Variants in INTS6 observed in about 807,000 individuals in gnomAD.
INTS6 encodes DEAD box protein.
Under a neutral mutation model 104.9 loss-of-function variants are expected in INTS6, and 16 were observed. The ratio of observed to expected loss-of-function variants is 0.15; its 90% CI spans 0.10 to 0.23. INTS6 has a LOEUF of 0.23. Among genes scored for constraint, INTS6 ranks in the 10% least tolerant of loss-of-function variants. INTS6 has a pLI of 1.00. For missense variants in INTS6, 584 were observed against 1,062.8 expected (o/e 0.55, Z 6.26); for synonymous variants, 324 against 358.7 (o/e 0.90, Z 1.09).
At chr13:51,419,604 A>G (rs1295890910) in intron 4 of INTS6, among the ~76,000 whole-genome samples, 2 of 152,182 alleles carry the variant, frequency 1.3e-5, no homozygotes, top group Admixed American at 6.5e-5. Flanking sequence ...GTACCATCTT[A>G]TTAGCTTGTG....
At chr13:51,353,695 A>G (rs1022897913), downstream of INTS6, among the ~76,000 whole-genome samples, 6 of 152,244 alleles carry the variant, frequency 3.9e-5, no homozygotes, top group South Asian at 2.1e-4. Flanking sequence ...TTTGGAAACT[A>G]TTCTGAAGAT....
downstream of INTS6, among the ~76,000 whole-genome samples, chr13:51,358,337 G>A (rs1179716237): frequency 6.6e-6 from 1 of 152,144 alleles, no homozygotes; most frequent in African/African-American, 2.4e-5. Context: ...TGATTTATGA[G>A]AAGCTGAGGA....
At chr13:51,381,431 A>G (rs1956047505) in intron 10 of INTS6, among the ~76,000 whole-genome samples, 1 of 152,172 alleles carries the variant, frequency 6.6e-6, no homozygotes. Flanking sequence ...ATGTAACAGA[A>G]CCAATAATCA....
intron 4 of INTS6, among the ~76,000 whole-genome samples, chr13:51,397,421 G>A (rs188948178): frequency 3.9e-5 from 6 of 152,256 alleles, no homozygotes; most frequent in African/African-American, 1.4e-4. Flanking sequence ...TCTTTCTCTG[G>A]CACGTAAGGC....
intron 3 of INTS6, among the ~76,000 whole-genome samples, chr13:51,435,658 A>T (rs963029964): frequency 6.6e-6 from 1 of 152,094 alleles, no homozygotes; most frequent in African/African-American, 2.4e-5. Flanking sequence ...TCCAAATATA[A>T]ACTAACCTGA....
At chr13:51,374,596 T>C in intron 14 of INTS6, 58 bp downstream of exon 14, 5 of 1,588,704 alleles carry the variant, frequency 3.1e-6, no homozygotes, top group Non-Finnish European at 3.4e-6. Context: ...AATTAAGAAC[T>C]ATAAAACTGA....
intron 4 of INTS6, among the ~76,000 whole-genome samples, chr13:51,429,837 A>G (rs1384065066): frequency 6.7e-6 from 1 of 148,734 alleles, no homozygotes; most frequent in African/African-American, 2.5e-5. Flanking sequence ...TAGAGAAAAC[A>G]AAAATGTCGA....
intron 3 of INTS6, chr13:51,449,028 A>G (rs1952981247): frequency 1.3e-5 from 2 of 152,234 alleles, no homozygotes; most frequent in Admixed American, 6.5e-5. Context: ...GAAAACATGA[A>G]ATGTTTAAAT....
chr13:51,347,351 T>C, the INTS6 span: 1 of 850,346 alleles, frequency 1.2e-6, no homozygotes, highest in South Asian at 1.6e-5. Flanking sequence ...GCAGGGTCCA[T>C]CTGCTGGACT....
chr13:51,411,490 T>C (rs1354076610), intron 4 of INTS6, among the ~76,000 whole-genome samples: 5 of 150,978 alleles, frequency 3.3e-5, no homozygotes, highest in Non-Finnish European at 4.4e-5. Context: ...GAGGCAGAGG[T>C]TGCAGTGAGC....
intron 4 of INTS6, among the ~76,000 whole-genome samples, chr13:51,397,360 C>A (rs1956357750): frequency 6.6e-6 from 1 of 152,190 alleles, no homozygotes; most frequent in African/African-American, 2.4e-5. Flanking sequence ...CTGCAAGACT[C>A]CTTCATCAAG....
intron 3 of INTS6, 73 bp from the exon 4 acceptor site, chr13:51,430,456 A>G: frequency 1.9e-6 from 2 of 1,074,728 alleles, no homozygotes; most frequent in South Asian, 2.8e-5. Flanking sequence ...CAATTCTCAG[A>G]ACAGCATATA....
At chr13:51,415,964 A>G (rs1956780010) in intron 4 of INTS6, among the ~76,000 whole-genome samples, 1 of 152,236 alleles carries the variant, frequency 6.6e-6, no homozygotes, top group Non-Finnish European at 1.5e-5. Context: ...GCCAAAGCAG[A>G]GCCAGGAAAG....
At chr13:51,351,301 G>T (rs908743100), downstream of INTS6, among the ~76,000 whole-genome samples, 1 of 152,066 alleles carries the variant, frequency 6.6e-6, no homozygotes. Flanking sequence ...CCACATCCTT[G>T]TCAACACTTG....
rs764247430 is a variant in INTS6 at position 51,365,826 on chromosome 13, T to A, written c.2590A>T (p.Ile864Leu). ...TCCAAGAAGTTCTCCAGTTGTTCTA[T>A]TAGCATTCGTTTTTTAAACCTGTAT... ...EASRFKKRML[I>L]EQLENFLDEI... The change falls in exon 18 of 18, where the codon ATA becomes TTA. Residue 864 changes from isoleucine (I) to leucine (L), a missense_variant. Around this residue, in one of 5 missense-constraint regions of INTS6, gnomAD observed 296 missense variants for 437.0 expected, o/e 0.68. Coordinates refer to ENST00000311234, the MANE Select transcript of INTS6 (RefSeq NM_012141.3). 2 of 1,600,780 alleles carry A rather than the reference T, an allele frequency of 1.2e-6. No homozygotes were observed. Among genetic ancestry groups the A allele is most frequent in the Admixed American group, 3.4e-5 (2 of 58,974 alleles).
chr13:51,358,945 G>C (rs146588462), downstream of INTS6, among the ~76,000 whole-genome samples: 1 of 150,640 alleles, frequency 6.6e-6, no homozygotes, highest in African/African-American at 2.5e-5. Flanking sequence ...ATGGTTAAAC[G>C]CTATGTATTA....
the INTS6 span, among the ~76,000 whole-genome samples, chr13:51,336,309 G>A: frequency 4.6e-5 from 7 of 152,002 alleles, no homozygotes. Flanking sequence ...CCAACATGGC[G>A]AAACCCCATC....
At chr13:51,395,736 T>A (rs1468223148) in intron 4 of INTS6, among the ~76,000 whole-genome samples, 2 of 152,240 alleles carry the variant, frequency 1.3e-5, no homozygotes, top group Non-Finnish European at 2.9e-5. Context: ...TTAGACTCAA[T>A]TAATTACTGG....
At chr13:51,336,528 A>G in the INTS6 span, among the ~76,000 whole-genome samples, 5 of 152,234 alleles carry the variant, frequency 3.3e-5, no homozygotes, top group South Asian at 1.0e-3. Flanking sequence ...ATTTCTGGAT[A>G]CAACAGCATA....
Sources: gnomAD v4.1 joint callset for allele counts (sites outside exome capture counted in the v4.1 genomes callset) on GRCh38, gnomAD v4.1.1 for gene constraint, gnomAD v4.1.1 regional missense constraint, MANE v1.5 for transcripts, NCBI Gene and HGNC (gene_info 2026-07-23, HGNC 2026-07-21) for gene names.